Variants in RBBP6 observed in about 807,000 individuals in gnomAD.
The protein encoded by RBBP6 is RB binding protein 6, ubiquitin ligase, also known as E3 ubiquitin-protein ligase RBBP6.
Under a neutral mutation model 167.7 loss-of-function variants are expected in RBBP6, and 25 were observed. The observed-to-expected ratio is 0.15, with a 90% CI of 0.11 to 0.21. The LOEUF (loss-of-function observed/expected upper bound fraction) is 0.21. RBBP6 is among the 10% of genes least tolerant of loss of function. The probability of loss-of-function intolerance (pLI) is 1.00; values close to 1 mark genes in which losing one functional copy is unlikely to be tolerated. For synonymous variants in RBBP6, 789 were observed against 735.8 expected (o/e 1.07, Z -1.17); for missense variants, 1,868 against 2,134.2 (o/e 0.88, Z 2.46).
In RBBP6 at chr16:24,569,374, G is replaced by A; in HGVS notation, c.2684G>A (p.Gly895Asp). Residue 895 changes from glycine to aspartate, a missense_variant, in exon 17 of 18, where the codon GGT becomes GAT. Physicochemically the swap from Gly to Asp is moderately conservative, Grantham distance 94. Coordinates refer to ENST00000319715, the MANE Select transcript of RBBP6 (RefSeq NM_006910.5). The part of the protein sequence containing the change: ...GGQSHRSRNI[G>D]SNYPEKLSAR... ...CAAAGTCATAGAAGTCGAAACATAG[G>A]TAGCAACTATCCAGAAAAGCTTTCA... is the stretch of plus-strand genomic sequence containing the variant. The A allele has an allele frequency of 6.2e-7, 1 of 1,614,064 alleles. No homozygotes were observed. The highest frequency in any genetic ancestry group is 1.7e-5 in the Admixed American group (1 of 60,002).
rs1407192557 is a variant in RBBP6 at position 24,567,831 on chromosome 16, T to A, written c.1992T>A (p.Asp664Glu). 1 of 1,613,848 alleles carries A rather than the reference T, an allele frequency of 6.2e-7. No homozygotes were observed. Among genetic ancestry groups the A allele is most frequent in the South Asian group, 1.1e-5 (1 of 91,060 alleles). Reference protein sequence around the residue: ...KKSKLDEFTNDFAKELMEYKK... With the variant: ...KKSKLDEFTNEFAKELMEYKK... ...CCAAGCTAGATGAGTTTACAAATGA[T>A]TTTGCTAAGGAATTGATGGAATACA... Residue 664 changes from aspartate (D) to glutamate (E), a missense_variant, in exon 16 of 18, where the codon GAT becomes GAA. Physicochemically the swap from Asp to Glu is conservative, Grantham distance 45 (BLOSUM62 2). Transcript: ENST00000319715.
At chr16:24,564,526 T>C (rs1940658356) in intron 13 of RBBP6, among the ~76,000 whole-genome samples, 1 of 152,220 alleles carries the variant, frequency 6.6e-6, no homozygotes, top group Admixed American at 6.5e-5. Context: ...ACAGAGTAAT[T>C]TATAGAGTGC....
intron 17 of RBBP6, 124 bp from the exon 18 acceptor site, chr16:24,570,752 G>GT (rs918889564): frequency 3.2e-6 from 3 of 931,882 alleles, no homozygotes. Context: ...GGCAGAATAA[G>GT]TTTTTTGTTT....
chr16:24,544,527 G>A (rs746864806), intron 1 of RBBP6, among the ~76,000 whole-genome samples: 4 of 152,124 alleles, frequency 2.6e-5, no homozygotes, highest in Non-Finnish European at 4.4e-5. Context: ...TGTGGTAAGC[G>A]TAATAATCGG....
intron 3 of RBBP6, among the ~76,000 whole-genome samples, chr16:24,551,507 T>C (rs1898794034): frequency 6.6e-6 from 1 of 151,836 alleles, no homozygotes; most frequent in Non-Finnish European, 1.5e-5. Flanking sequence ...TTAGGGGCAA[T>C]AGTGATTACT....
chr16:24,563,779 C>T (rs1899129406), intron 13 of RBBP6, 115 bp downstream of exon 13: 4 of 864,584 alleles, frequency 4.6e-6, no homozygotes, highest in Admixed American at 6.5e-5. Context: ...GGTCGCTGCT[C>T]TTTATTGTAA....
intron 2 of RBBP6, among the ~76,000 whole-genome samples, chr16:24,547,213 T>C (rs896603612): frequency 6.6e-6 from 1 of 152,194 alleles, no homozygotes; most frequent in Non-Finnish European, 1.5e-5. Context: ...AATAAAGTCA[T>C]TTCTTGGAGC....
chr16:24,552,999 A>G (rs1207810547), intron 3 of RBBP6: 3 of 151,970 alleles, frequency 2.0e-5, no homozygotes, highest in African/African-American at 7.2e-5. Context: ...TCTTTGTATG[A>G]GAGAATAAAC....
intron 4 of RBBP6, chr16:24,554,016 A>G (rs1171106300): frequency 6.5e-6 from 1 of 154,150 alleles, no homozygotes; most frequent in African/African-American, 2.4e-5. Context: ...TTGTTTCTTT[A>G]TGCTATAGAC....
intron 3 of RBBP6, among the ~76,000 whole-genome samples, chr16:24,551,173 T>C (rs1400776662): frequency 6.6e-6 from 1 of 151,850 alleles, no homozygotes; most frequent in Non-Finnish European, 1.5e-5. Context: ...AAAGCTAATA[T>C]AATTGGCATA....
chr16:24,566,760 G>A (rs62030525), intron 14 of RBBP6, among the ~76,000 whole-genome samples: 20,753 of 152,090 alleles, frequency 0.14, 1,550 homozygotes, highest in South Asian at 0.21. Context: ...AAAAATAAAT[G>A]AATAAGTAAG....
chr16:24,560,543 A>T (rs1899025936), intron 8 of RBBP6, among the ~76,000 whole-genome samples: 1 of 152,232 alleles, frequency 6.6e-6, no homozygotes, highest in South Asian at 2.1e-4. Context: ...GTTACCTGAA[A>T]ATTTGCTCAA....
At chr16:24,552,532 G>A (rs1373672284) in intron 3 of RBBP6, among the ~76,000 whole-genome samples, 1 of 151,644 alleles carries the variant, frequency 6.6e-6, no homozygotes, top group Admixed American at 6.6e-5. Context: ...TTTAAAAACT[G>A]ATATTAAAAT....
chr16:24,571,058 A>C lies in RBBP6; in HGVS notation c.3992A>C (p.Glu1331Ala). Residue 1331 changes from glutamate (E) to alanine (A), a missense_variant, in exon 18 of 18, where the codon GAA becomes GCA. Physicochemically the swap from Glu to Ala is moderately radical, Grantham distance 107 (BLOSUM62 -1). Coordinates refer to ENST00000319715, the MANE Select transcript of RBBP6 (RefSeq NM_006910.5). ...AAAGATGACTTTGAATCTGAAGAAGAAGATGTTAAATCCACACAGCCTATA... is the reference window on the plus strand; with the variant it reads ...AAAGATGACTTTGAATCTGAAGAAGCAGATGTTAAATCCACACAGCCTATA... ...WDKDDFESEE[E>A]DVKSTQPISS... 1 of 1,611,910 alleles carries C rather than the reference A, an allele frequency of 6.2e-7. No individual in the cohort carries two copies. Among genetic ancestry groups the C allele is most frequent in the Non-Finnish European group, 8.5e-7 (1 of 1,178,176 alleles).
intron 1 of RBBP6, among the ~76,000 whole-genome samples, chr16:24,541,204 C>CAAA (rs1491180757): frequency 1.2e-4 from 10 of 81,708 alleles, no homozygotes; most frequent in South Asian, 3.9e-4. Flanking sequence ...AAAAAAAAAA[C>CAAA]CAAAAAAACA....
At chr16:24,556,860 G>A (rs766329374) in intron 7 of RBBP6, among the ~76,000 whole-genome samples, 5 of 152,182 alleles carry the variant, frequency 3.3e-5, no homozygotes, top group Non-Finnish European at 5.9e-5. Context: ...AAATTTAAGT[G>A]TCAGGCATAA....
chr16:24,572,257 AAAAAGAAGG>A lies in RBBP6; in HGVS notation c.5199_5207del (p.Glu1734_Lys1736del). On this transcript the variant is annotated inframe_deletion, in exon 18 of 18. Transcript: ENST00000319715. ...AAGTCAGGACAGCAAGAAGAAGAAG[AAAAAGAAGG>A]AAAAGAAAAAACACAAGAAACATAA... 1.2e-6 allele frequency: 2 copies of A among 1,613,312 alleles called. No homozygotes were observed. The highest frequency in any genetic ancestry group is 1.7e-6 in the Non-Finnish European group (2 of 1,179,680).
chr16:24,569,463 C>T lies in RBBP6; in HGVS notation c.2773C>T (p.Pro925Ser), dbSNP rs1474641471. ...AAAAGAGAAGGAGAGTGAAAACGCT[C>T]CAGGAGATGGTAAAGGAAATAAGCA... ...KSKEKESENA[P>S]GDGKGNKHKK... is the part of the protein sequence containing the mutation. The change falls in exon 17 of 18, where the codon CCA becomes TCA. Residue 925 changes from proline to serine, a missense_variant. Around this residue, in one of 7 missense-constraint regions of RBBP6, gnomAD observed 673 missense variants for 691.5 expected, o/e 0.97. Coordinates refer to ENST00000319715, the MANE Select transcript of RBBP6 (RefSeq NM_006910.5). The T allele has an allele frequency of 4.3e-6, 7 of 1,611,840 alleles. No individual in the cohort carries two copies. The Admixed American group carries it at 5.0e-5, about 12-fold the overall frequency.
chr16:24,568,914 C>T lies in RBBP6; in HGVS notation c.2224C>T (p.Arg742Cys), dbSNP rs770744976. The T allele has an allele frequency of 9.3e-6, 15 of 1,614,094 alleles. No individual in the cohort carries two copies. Among genetic ancestry groups the T allele is most frequent in the South Asian group, 5.5e-5 (5 of 91,088 alleles). Residue 742 changes from arginine to cysteine, a missense_variant, in exon 17 of 18, where the codon CGC becomes TGC. Coordinates refer to ENST00000319715, the MANE Select transcript of RBBP6 (RefSeq NM_006910.5). Reference protein sequence around the residue: ...PYPRRGRGKSRNYRSRSRSHG... With the variant: ...PYPRRGRGKSCNYRSRSRSHG... Reference sequence around the variant, plus strand: ...CCCCAGAAGAGGCAGAGGCAAGAGCCGCAATTACCGTTCACGGTCTAGATC... The same window carrying T: ...CCCCAGAAGAGGCAGAGGCAAGAGCTGCAATTACCGTTCACGGTCTAGATC...
Sources: gnomAD v4.1 joint callset for allele counts (sites outside exome capture counted in the v4.1 genomes callset) on GRCh38, gnomAD v4.1.1 for gene constraint, gnomAD v4.1.1 regional missense constraint, MANE v1.5 for transcripts, NCBI Gene and HGNC (gene_info 2026-07-23, HGNC 2026-07-21) for gene names.